The following CDH23 variants were observed in gnomAD, a reference collection of about 807,000 sequenced individuals.
CDH23 encodes cadherin-23.
In CDH23, 189 loss-of-function variants were observed where a neutral mutation model predicts 317.1. The observed-to-expected ratio is 0.60, with a 90% CI of 0.53 to 0.67. The LOEUF (loss-of-function observed/expected upper bound fraction) is 0.67. Ranked by LOEUF, CDH23 falls within the 30% of genes least tolerant of loss-of-function variation. CDH23 has a pLI of 0.00. For synonymous variants in CDH23, 1,839 were observed against 1,876.8 expected, an observed-to-expected ratio of 0.98 and a Z score of 0.52; for missense variants, 4,401 against 4,592.4, an observed-to-expected ratio of 0.96 and a Z score of 1.20.
chr10:71,629,373 T>C (rs919141131), intron 11 of CDH23, among the ~76,000 whole-genome samples: 1 of 152,280 alleles, frequency 6.6e-6, no homozygotes, highest in Non-Finnish European at 1.5e-5. Flanking sequence ...GCCCAGGCTC[T>C]GTGGATATCT....
intron 44 of CDH23, 59 bp from the exon 45 acceptor site, chr10:71,788,881 C>T (rs752540571): frequency 1.2e-6 from 1 of 863,136 alleles, no homozygotes; most frequent in Non-Finnish European, 2.0e-6. Flanking sequence ...CTCCTCCCAC[C>T]TAGGTGGGGG....
chr10:71,651,606 G>A (rs1863177894), intron 14 of CDH23, among the ~76,000 whole-genome samples: 1 of 152,038 alleles, frequency 6.6e-6, no homozygotes, highest in South Asian at 2.1e-4. Flanking sequence ...AGGCCCCGTG[G>A]CTGGAGTACA....
intron 31 of CDH23, among the ~76,000 whole-genome samples, chr10:71,731,323 G>T (rs1839376688): frequency 6.6e-6 from 1 of 152,232 alleles, no homozygotes; most frequent in African/African-American, 2.4e-5. Context: ...TCCTCTCTCA[G>T]CATCCTCAGA....
At chr10:71,475,266 A>T (rs1435515485) in intron 3 of CDH23, among the ~76,000 whole-genome samples, 1 of 152,030 alleles carries the variant, frequency 6.6e-6, no homozygotes, top group Non-Finnish European at 1.5e-5. Flanking sequence ...AGCGTCCCTG[A>T]CCTCTCCAGC....
intron 17 of CDH23, among the ~76,000 whole-genome samples, chr10:71,682,045 GAGACAGAC>G (rs141018202): frequency 9.9e-5 from 15 of 152,100 alleles, no homozygotes; most frequent in Non-Finnish European, 1.5e-4. Flanking sequence ...ATGAGTGAGT[GAGACAGAC>G]AGACAGACAG....
At chr10:71,727,034 A>G (rs1866844179) in intron 30 of CDH23, among the ~76,000 whole-genome samples, 2 of 152,208 alleles carry the variant, frequency 1.3e-5, no homozygotes, top group African/African-American at 4.8e-5. Context: ...TCAGCTACTT[A>G]CGTCCTGCCC....
At chr10:71,587,266 A>G (rs74147355) in intron 9 of CDH23, among the ~76,000 whole-genome samples, 2,154 of 152,302 alleles carry the variant, frequency 0.014, 58 homozygotes, top group African/African-American at 0.049. Flanking sequence ...AAGCCAAGGG[A>G]TTCATGTCAG....
In CDH23 at chr10:71,806,308, T is replaced by A. The variant is rs373810827; in HGVS notation, c.8178+27T>A. 124 of 1,485,584 alleles carry A rather than the reference T, an allele frequency of 8.3e-5. 3 individuals carry two copies. Among genetic ancestry groups the A allele is most frequent in the East Asian group, 8.1e-4 (33 of 40,712 alleles). 92.0% of individuals were successfully genotyped at this position (1,485,584 alleles called of 1,614,324 possible). On this transcript the variant is annotated intron_variant, in intron 57 of 69. Transcript: ENST00000224721. Reference sequence around the variant, plus strand: ...TGAGCTTGCCCACCTCCTGCGCTGGTCACACCCACACAGGGACTCACCTGC... The same window carrying A: ...TGAGCTTGCCCACCTCCTGCGCTGGACACACCCACACAGGGACTCACCTGC...
intron 55 of CDH23, among the ~76,000 whole-genome samples, chr10:71,805,187 G>A (rs1841674308): frequency 1.3e-5 from 2 of 152,150 alleles, no homozygotes; most frequent in African/African-American, 4.8e-5. Context: ...ATGAGGTTTC[G>A]AGATCTTGGA....
At chr10:71,664,784 CCTT>C (rs745494808) in intron 14 of CDH23, among the ~76,000 whole-genome samples, 1 of 152,056 alleles carries the variant, frequency 6.6e-6, no homozygotes, top group Non-Finnish European at 1.5e-5. Flanking sequence ...TGTGATTACT[CCTT>C]CTGTTCTTCC....
chr10:71,681,566 C>T (rs1338732951), intron 17 of CDH23, among the ~76,000 whole-genome samples: 1 of 152,160 alleles, frequency 6.6e-6, no homozygotes, highest in African/African-American at 2.4e-5. Context: ...CCCATGGGGT[C>T]TAAACAGTGC....
At chr10:71,532,711 G>GTTTTTTTTTTTTTTTTTTTTTTTTT (rs531593760) in intron 6 of CDH23, among the ~76,000 whole-genome samples, 1 of 128,100 alleles carries the variant, frequency 7.8e-6, no homozygotes, top group Non-Finnish European at 1.8e-5. Flanking sequence ...TTTTGTTTTT[G>GTTTTTTTTTTTTTTTTTTTTTTTTT]TTTTTTTTTT....
At chr10:71,519,225 T>A (rs1453818254) in intron 6 of CDH23, among the ~76,000 whole-genome samples, 1 of 152,166 alleles carries the variant, frequency 6.6e-6, no homozygotes, top group Admixed American at 6.5e-5. Context: ...CCGGAACACC[T>A]TTTATTGTGC....
At chr10:71,432,278 GTGTT>G (rs1233946607) in intron 1 of CDH23, among the ~76,000 whole-genome samples, 1 of 77,936 alleles carries the variant, frequency 1.3e-5, no homozygotes, top group African/African-American at 6.9e-5. Context: ...GTGCATGAGT[GTGTT>G]TGAGAGTGTG....
At chr10:71,442,686 C>T (rs1204541750) in intron 2 of CDH23, among the ~76,000 whole-genome samples, 1 of 152,098 alleles carries the variant, frequency 6.6e-6, no homozygotes. Context: ...CAGGCCTGCC[C>T]CACCCCATCC....
Position 71,760,179 on chromosome 10 carries a change from GTGTA to G in CDH23, c.4846-17499_4846-17496del, listed in dbSNP as rs1300178642. Among the ~76,000 whole-genome samples, 3 of 30,504 alleles carry G rather than the reference GTGTA, an allele frequency of 9.8e-5. 1 individual carries two copies. The highest frequency in any genetic ancestry group is 2.1e-4 in the African/African-American group (1 of 4,758). 20.0% of individuals were successfully genotyped at this position (30,504 alleles called of 152,430 possible). A position where few individuals can be genotyped will look rare whatever the true frequency, so the allele number is the denominator to read the frequency against. On this transcript the variant is annotated intron_variant, in intron 38 of 69. Transcript: ENST00000224721. ...TATATATGTATATACATATATATGT[GTGTA>G]TATATATGTATATACATATATATGT...
At chr10:71,642,609 A>G (rs1159230163) in intron 11 of CDH23, among the ~76,000 whole-genome samples, 3 of 151,834 alleles carry the variant, frequency 2.0e-5, no homozygotes, top group Non-Finnish European at 4.4e-5. Flanking sequence ...CATGTTGGCC[A>G]GGCTGGTCTC....
intron 3 of CDH23, among the ~76,000 whole-genome samples, chr10:71,480,950 G>A (rs10458654): frequency 6.6e-6 from 1 of 152,118 alleles, no homozygotes; most frequent in Non-Finnish European, 1.5e-5. Context: ...GGACCCCTTC[G>A]GAGGAAAATG....
intron 14 of CDH23, among the ~76,000 whole-genome samples, chr10:71,673,065 T>C (rs1864212347): frequency 6.6e-6 from 1 of 152,164 alleles, no homozygotes; most frequent in Non-Finnish European, 1.5e-5. Context: ...TTCTTCTGAG[T>C]CCTGCCTTCT....
Sources: gnomAD v4.1 joint callset for allele counts (sites outside exome capture counted in the v4.1 genomes callset) on GRCh38, gnomAD v4.1.1 for gene constraint, MANE v1.5 for transcripts, NCBI Gene and HGNC (gene_info 2026-07-23, HGNC 2026-07-21) for gene names.